The following NAPSA variants were observed in gnomAD, a reference collection of about 807,000 sequenced individuals.
NAPSA encodes napsin-A.
NAPSA carries 37 observed loss-of-function variants against 36.7 expected under a neutral mutation model. That is an observed-to-expected ratio of 1.01 (90% confidence interval 0.78 to 1.33). The LOEUF (loss-of-function observed/expected upper bound fraction) is 1.33, where lower values mean the gene tolerates loss of function less well. Ranked by LOEUF, NAPSA falls within the 40% of genes most tolerant of loss-of-function variation. NAPSA has a pLI of 0.00. For missense variants in NAPSA, 532 were observed against 543.8 expected (o/e 0.98, Z 0.21); for synonymous variants, 222 against 234.5 (o/e 0.95, Z 0.49).
intron 7 of NAPSA, 187 bp from the exon 8 acceptor site, chr19:50,359,296 C>A: frequency 1.2e-6 from 1 of 848,278 alleles, no homozygotes. Context: ...TCCCTCCACC[C>A]GGCCACCATC....
rs757657519 is a variant in NAPSA at position 50,361,958 on chromosome 19, T to C, written c.349+11A>G. The C allele has an allele frequency of 5.7e-6, 9 of 1,592,238 alleles. No individual in the cohort carries two copies. In the African/African-American group the frequency reaches 6.7e-5, roughly 12 times the overall value. ...CCCCATTCAGCCTTATTCTCCCACA[T>C]AGAAGCTCACAGCAGGGCACACTGA... On this transcript the variant is annotated intron_variant, in intron 3 of 8. Coordinates refer to ENST00000253719, the MANE Select transcript of NAPSA (RefSeq NM_004851.3).
rs573506555 is a variant in NAPSA, at chr19:50,359,633, G to A, written c.806C>T (p.Pro269Leu). Residue 269 changes from proline (P) to leucine (L), a missense_variant, in exon 7 of 9, where the codon CCA becomes CTA. Pro to Leu is a moderately conservative substitution (Grantham distance 98). Around this residue, in one of 3 missense-constraint regions of NAPSA, gnomAD observed 385 missense variants for 371.5 expected, o/e 1.04. Transcript: ENST00000253719. ...QIHMERVKVG[P>L]GLTLCAKGCA... ...GCCCTTGGCACAGAGAGTCAGCCCTGGGCCCACCTTCACACTGAGGGGGAA... is the reference window on the plus strand; with the variant it reads ...GCCCTTGGCACAGAGAGTCAGCCCTAGGCCCACCTTCACACTGAGGGGGAA... The A allele has an allele frequency of 6.2e-7, 1 of 1,614,210 alleles. No individual in the cohort carries two copies. Among genetic ancestry groups the A allele is most frequent in the African/African-American group, 1.3e-5 (1 of 75,048 alleles).
chr19:50,361,605 A>G, intron 4 of NAPSA, 58 bp downstream of exon 4: 2 of 1,440,766 alleles, frequency 1.4e-6, no homozygotes, highest in Non-Finnish European at 2.0e-6. Context: ...AAGCCAGATG[A>G]TCTTAGACAA....
chr19:50,358,573 G>GCGCA lies in NAPSA; in HGVS notation c.1239_1242dup (p.Gln415CysfsTer12), dbSNP rs1320641066. The GCGCA allele has an allele frequency of 1.0e-5, 16 of 1,605,170 alleles. No homozygotes were observed. The highest frequency in any genetic ancestry group is 1.0e-5 in the Non-Finnish European group (12 of 1,176,440). On this transcript the variant is annotated frameshift_variant, in exon 9 of 9. Transcript: ENST00000253719. LOFTEE classifies it high-confidence loss of function. ...GGGCGTCACCCGGGGAACTGCGCCT[G>GCGCA]CGCAGTCTCTCCCCATCCGAGGTCC... is the stretch of plus-strand genomic sequence containing the variant.
At chr19:50,359,394 G>A (rs1568585288) in intron 7 of NAPSA, 109 bp downstream of exon 7, 6 of 1,431,928 alleles carry the variant, frequency 4.2e-6, no homozygotes, top group Non-Finnish European at 5.7e-6. Flanking sequence ...AGTGCCTGCT[G>A]CCCTGGAAAG....
Position 50,358,556 on chromosome 19 carries a change from C to G in NAPSA, c.1260G>C (p.Gly420=), listed in dbSNP as rs746139395. ...WGETAQAQFP[G] ...GCGCATGCGCTTCACTTGGGCGTCA[C>G]CCGGGGAACTGCGCCTGCGCAGTCT... The change falls in exon 9 of 9, where the codon GGG becomes GGC. Residue 420 remains glycine, a synonymous_variant. Transcript: ENST00000253719. The G allele has an allele frequency of 1.4e-5, 23 of 1,591,334 alleles. No individual in the cohort carries two copies. The African/African-American group carries it at 2.2e-4, about 15-fold the overall frequency.
At chr19:50,367,735 C>T (rs2037567636), upstream of NAPSA, among the ~76,000 whole-genome samples, 1 of 152,088 alleles carries the variant, frequency 6.6e-6, no homozygotes, top group African/African-American at 2.4e-5. Context: ...TGCTCAAGGC[C>T]CTTGGGCTCT....
chr19:50,365,410 A>T, intron 1 of NAPSA, 129 bp downstream of exon 1: 1 of 797,884 alleles, frequency 1.3e-6, no homozygotes, highest in East Asian at 2.5e-5. Flanking sequence ...AGATCTGGAA[A>T]GCTGAGAAAG....
chr19:50,367,673 G>T (rs1003796172), upstream of NAPSA, among the ~76,000 whole-genome samples: 5 of 152,016 alleles, frequency 3.3e-5, no homozygotes, highest in Non-Finnish European at 5.9e-5. Flanking sequence ...ATTGCGCTGG[G>T]TCCTGCCCAT....
upstream of NAPSA, among the ~76,000 whole-genome samples, chr19:50,367,536 GTC>G (rs60930348): frequency 0.27 from 37,476 of 138,908 alleles, 4,851 homozygotes; most frequent in Admixed American, 0.35. Context: ...AACAGAGTCA[GTC>G]TCTCTCTCTC....
chr19:50,359,296 C>T (rs2037439563), intron 7 of NAPSA, 187 bp from the exon 8 acceptor site: 7 of 848,156 alleles, frequency 8.3e-6, no homozygotes, highest in Middle Eastern at 3.3e-4. Flanking sequence ...TCCCTCCACC[C>T]GGCCACCATC....
intron 8 of NAPSA, 68 bp downstream of exon 8, chr19:50,358,943 G>T (rs1323065543): frequency 3.5e-6 from 5 of 1,433,756 alleles, no homozygotes; most frequent in Non-Finnish European, 3.9e-6. Flanking sequence ...TCCTAGTGAC[G>T]TCTCTCAGCT....
intron 8 of NAPSA, 30 bp downstream of exon 8, chr19:50,358,981 C>T: frequency 4.4e-6 from 7 of 1,577,696 alleles, no homozygotes; most frequent in Non-Finnish European, 6.1e-6. Context: ...CATATGACGT[C>T]ACTATGGCGT....
chr19:50,364,235 A>G (rs8108875), intron 1 of NAPSA, among the ~76,000 whole-genome samples: 46,970 of 149,024 alleles, frequency 0.32, 7,570 homozygotes, highest in Admixed American at 0.39. Context: ...GAATGGTGTC[A>G]GCCTGGGAGG....
In NAPSA at chr19:50,358,690, C is replaced by T. The variant is rs2037428106; in HGVS notation, c.1126G>A (p.Val376Ile). The T allele has an allele frequency of 3.1e-6, 5 of 1,613,464 alleles. No individual in the cohort carries two copies. In the East Asian group the frequency reaches 8.9e-5, roughly 29 times the overall value. Residue 376 changes from valine to isoleucine, a missense_variant, in exon 9 of 9, where the codon GTC becomes ATC. Transcript: ENST00000253719. ...ACGGCCACATACGTCCCCAAGAAGA[C>T]GTCACCGAGGATCCAGAAGGGCCCT... ...PAGPFWILGD[V>I]FLGTYVAVFD...
Position 50,361,018 on chromosome 19 carries a change from T to C in NAPSA, c.591A>G (p.Glu197=), listed in dbSNP as rs754750642. The change falls in exon 5 of 9, where the codon GAA becomes GAG. Residue 197 remains glutamate (E), a synonymous_variant. Coordinates refer to ENST00000253719, the MANE Select transcript of NAPSA (RefSeq NM_004851.3). ...LGLGFPILSV[E]GVRPPMDVLV... Reference sequence around the variant, plus strand: ...GTACATCCATCGGGGGCCGAACTCCTTCCACAGACAGAATGGGAAAACCGA... The same window carrying C: ...GTACATCCATCGGGGGCCGAACTCCCTCCACAGACAGAATGGGAAAACCGA... The C allele has an allele frequency of 6.7e-5, 108 of 1,614,026 alleles. No homozygotes were observed. In the East Asian group the frequency reaches 2.2e-3, roughly 33 times the overall value.
In NAPSA at chr19:50,361,581, TCG is replaced by T. The variant is rs2037473611; in HGVS notation, c.468+80_468+81del. On this transcript the variant is annotated intron_variant, in intron 4 of 8. Coordinates refer to ENST00000253719, the MANE Select transcript of NAPSA (RefSeq NM_004851.3). Reference sequence around the variant, plus strand: ...ATCCATTGGCTTGGGAAGCTCCTCCTCGAGCCTCTTCCTAAGCCAGATGATCT... The same window carrying T: ...ATCCATTGGCTTGGGAAGCTCCTCCTAGCCTCTTCCTAAGCCAGATGATCT... 2.4e-6 allele frequency: 3 copies of T among 1,241,946 alleles called. No individual in the cohort carries two copies. In the African/African-American group the frequency reaches 4.5e-5, roughly 18 times the overall value. The allele number at this position is 1,241,946 out of a possible 1,614,324, so 76.9% of individuals were successfully genotyped here.
In NAPSA at chr19:50,361,148, T is replaced by A; in HGVS notation, c.469-8A>T. 6.2e-7 allele frequency: 1 copy of A among 1,610,954 alleles called. No individual in the cohort carries two copies. The highest frequency in any genetic ancestry group is 1.1e-5 in the South Asian group (1 of 91,018). ...ACCCTTGATTCCACCAATCTAGGGG[T>A]AGATTGAGATGTGACCAGTTACTTT... is the stretch of plus-strand genomic sequence containing the variant. On this transcript the variant is annotated splice_region_variant and splice_polypyrimidine_tract_variant and intron_variant, in intron 4 of 8. Coordinates refer to ENST00000253719, the MANE Select transcript of NAPSA (RefSeq NM_004851.3).
Position 50,361,044 on chromosome 19 carries a change from G to C in NAPSA, c.565C>G (p.Leu189Val), listed in dbSNP as rs1174458353. 6.2e-7 allele frequency: 1 copy of C among 1,614,042 alleles called. No homozygotes were observed. Among genetic ancestry groups the C allele is most frequent in the African/African-American group, 1.3e-5 (1 of 74,898 alleles). Reference protein sequence around the residue: ...AFAHFDGILGLGFPILSVEGV... With the variant: ...AFAHFDGILGVGFPILSVEGV... The stretch of plus-strand genomic sequence containing the variant: ...TCCACAGACAGAATGGGAAAACCGA[G>C]GCCCAATATCCCATCAAAATGGGCA... The change falls in exon 5 of 9, where the codon CTC becomes GTC. Residue 189 changes from leucine to valine, a missense_variant. This residue lies in a region of NAPSA where 385 missense variants were observed against 371.5 expected (regional missense o/e 1.04). Transcript: ENST00000253719.
Sources: allele counts gnomAD v4.1 joint callset (sites outside exome capture counted in the v4.1 genomes callset), GRCh38; gene constraint gnomAD v4.1.1; regional missense constraint gnomAD v4.1.1; transcripts MANE v1.5; gene names NCBI Gene and HGNC (gene_info 2026-07-23, HGNC 2026-07-21).